The following PDE4D variants were observed in gnomAD, a reference collection of about 807,000 sequenced individuals.
The protein encoded by PDE4D is 3',5'-cyclic-AMP phosphodiesterase 4D.
A neutral mutation model predicts 87.4 loss-of-function variants in PDE4D; 24 were observed. The ratio of observed to expected loss-of-function variants is 0.27; its 90% CI spans 0.20 to 0.39. PDE4D has a LOEUF of 0.39. Among genes scored for constraint, PDE4D ranks in the 10% least tolerant of loss-of-function variants. PDE4D has a pLI of 1.00. For synonymous variants in PDE4D, 384 were observed against 383.2 expected, an observed-to-expected ratio of 1.00 and a Z score of -0.02; for missense variants, 714 against 1,041.0, an observed-to-expected ratio of 0.69 and a Z score of 4.32.
At chr5:59,428,591 C>A (rs973553699) in intron 1 of PDE4D, among the ~76,000 whole-genome samples, 9 of 152,076 alleles carry the variant, frequency 5.9e-5, no homozygotes, top group African/African-American at 2.2e-4. Flanking sequence ...TTTAGTGAAT[C>A]TAAGATGATG....
chr5:60,087,391 C>T (rs944238451), intron 2 of PDE4D, among the ~76,000 whole-genome samples: 4 of 152,114 alleles, frequency 2.6e-5, no homozygotes, highest in Non-Finnish European at 4.4e-5. Context: ...AAGAAACCAA[C>T]AAAACTCCAA....
chr5:60,062,910 T>C (rs1771577991), intron 2 of PDE4D, among the ~76,000 whole-genome samples: 2 of 151,850 alleles, frequency 1.3e-5, no homozygotes, highest in Non-Finnish European at 2.9e-5. Context: ...CACCAGGGCC[T>C]GTTGGGTCAT....
At chr5:58,991,414 T>C (rs936877578) in intron 8 of PDE4D, among the ~76,000 whole-genome samples, 4 of 152,232 alleles carry the variant, frequency 2.6e-5, no homozygotes, top group Non-Finnish European at 5.9e-5. Flanking sequence ...TTTAGGCACA[T>C]TTACTTAAAT....
intron 2 of PDE4D, among the ~76,000 whole-genome samples, chr5:60,114,899 T>C (rs761790007): frequency 9.2e-5 from 14 of 151,790 alleles, no homozygotes; most frequent in African/African-American, 1.5e-4. Flanking sequence ...TATATATGTA[T>C]GAATAAGCTC....
At chr5:60,001,996 C>G (rs769144636) in intron 2 of PDE4D, among the ~76,000 whole-genome samples, 4 of 150,860 alleles carry the variant, frequency 2.7e-5, no homozygotes, top group Non-Finnish European at 5.9e-5. Flanking sequence ...AGCACAAGAA[C>G]CACAAACCCA....
chr5:59,364,214 C>T (rs1782684504), intron 1 of PDE4D, among the ~76,000 whole-genome samples: 1 of 152,134 alleles, frequency 6.6e-6, no homozygotes, highest in South Asian at 2.1e-4. Context: ...ATTAATAAGA[C>T]AATTGGACTG....
intron 5 of PDE4D, among the ~76,000 whole-genome samples, chr5:59,075,629 T>C (rs1341736009): frequency 6.6e-6 from 1 of 152,132 alleles, no homozygotes; most frequent in East Asian, 1.9e-4. Context: ...TTATTTGGAA[T>C]TGGGTACATA....
intron 1 of PDE4D, among the ~76,000 whole-genome samples, chr5:60,279,359 G>C (rs1385075939): frequency 1.3e-5 from 2 of 152,156 alleles, no homozygotes; most frequent in East Asian, 3.8e-4. Context: ...CACTGACACT[G>C]AGAATAGAAA....
chr5:59,707,539 T>C (rs1311752563), intron 1 of PDE4D, among the ~76,000 whole-genome samples: 1 of 152,158 alleles, frequency 6.6e-6, no homozygotes, highest in Non-Finnish European at 1.5e-5. Context: ...CTGGGGTACA[T>C]GCACGGGATG....
intron 5 of PDE4D, among the ~76,000 whole-genome samples, chr5:59,170,306 TG>T (rs1397690913): frequency 2.6e-5 from 4 of 152,186 alleles, no homozygotes; most frequent in African/African-American, 9.6e-5. Flanking sequence ...TGTGAGCCAC[TG>T]CACCCAGCCC....
chr5:59,230,082 C>T (rs921459307), intron 1 of PDE4D, among the ~76,000 whole-genome samples: 1 of 152,216 alleles, frequency 6.6e-6, no homozygotes, highest in African/African-American at 2.4e-5. Context: ...CCACCGTACC[C>T]AGCTGCACCT....
At chr5:59,348,350 A>G (rs1375715167) in intron 1 of PDE4D, among the ~76,000 whole-genome samples, 1 of 152,058 alleles carries the variant, frequency 6.6e-6, no homozygotes, top group African/African-American at 2.4e-5. Flanking sequence ...TCTCTTGCCA[A>G]CTCCACATTT....
Position 58,974,089 on chromosome 5 carries a change from C to CTGTT in PDE4D, c.*571_*574dup, listed in dbSNP as rs1359823261. ...AATAAAAGTAAGCTCTACAAAAAAT[C>CTGTT]TGTTTTACATATCATACAAAATGTA... On this transcript the variant is annotated 3_prime_UTR_variant, in exon 15 of 15. Coordinates refer to ENST00000340635, the MANE Select transcript of PDE4D (RefSeq NM_001104631.2). 1.2e-4 allele frequency: 18 copies of CTGTT among 152,498 alleles called. No homozygotes were observed. The highest frequency in any genetic ancestry group is 3.9e-4 in the Admixed American group (6 of 15,268). 9.4% of individuals were successfully genotyped at this position (152,498 alleles called of 1,614,324 possible).
intron 1 of PDE4D, among the ~76,000 whole-genome samples, chr5:60,374,879 A>G (rs12188899): frequency 0.23 from 34,252 of 152,130 alleles, 4,044 homozygotes; most frequent in East Asian, 0.42. Flanking sequence ...ATATACATAT[A>G]TATGTATACG....
chr5:59,506,602 TATACAATA>T (rs1809310434), intron 1 of PDE4D, among the ~76,000 whole-genome samples: 1 of 152,106 alleles, frequency 6.6e-6, no homozygotes, highest in African/African-American at 2.4e-5. Context: ...GATGATATTT[TATACAATA>T]ATTTCCAGCA....
At chr5:59,924,497 C>T (rs1460849558) in intron 3 of PDE4D, among the ~76,000 whole-genome samples, 2 of 146,200 alleles carry the variant, frequency 1.4e-5, no homozygotes, top group African/African-American at 5.1e-5. Context: ...AGAAAATAAA[C>T]AAATAATATA....
chr5:60,514,777 A>C (rs1750722093), intron 1 of PDE4D, among the ~76,000 whole-genome samples: 1 of 152,136 alleles, frequency 6.6e-6, no homozygotes, highest in Non-Finnish European at 1.5e-5. Context: ...TTCTGAAATC[A>C]GGAATGAGAA....
At chr5:59,926,701 T>G (rs1346781899) in intron 3 of PDE4D, among the ~76,000 whole-genome samples, 2 of 152,164 alleles carry the variant, frequency 1.3e-5, no homozygotes, top group Admixed American at 6.5e-5. Flanking sequence ...ACATTACAAC[T>G]GATACTGCTG....
At chr5:60,486,308 C>A (rs1320366358) in intron 1 of PDE4D, among the ~76,000 whole-genome samples, 1 of 152,190 alleles carries the variant, frequency 6.6e-6, no homozygotes, top group African/African-American at 2.4e-5. Context: ...TCTATGGCTA[C>A]AGAAACTCAA....
Sources: gnomAD v4.1 joint callset for allele counts (sites outside exome capture counted in the v4.1 genomes callset) on GRCh38, gnomAD v4.1.1 for gene constraint, MANE v1.5 for transcripts, NCBI Gene and HGNC (gene_info 2026-07-23, HGNC 2026-07-21) for gene names.